Variants in NTRK3 observed in about 807,000 individuals in gnomAD.
NTRK3 encodes the protein NT-3 growth factor receptor.
In NTRK3, 24 loss-of-function variants were observed where a neutral mutation model predicts 91.7. The ratio of observed to expected loss-of-function variants is 0.26; its 90% CI spans 0.19 to 0.37. NTRK3 has a LOEUF of 0.37. NTRK3 is among the 10% of genes least tolerant of loss of function. The pLI is 1.00. For missense variants in NTRK3, 880 were observed against 1,068.9 expected (o/e 0.82, Z 2.46); for synonymous variants, 483 against 404.0 (o/e 1.20, Z -2.34).
intron 13 of NTRK3, among the ~76,000 whole-genome samples, chr15:88,119,972 G>A (rs868119020): frequency 2.6e-5 from 4 of 152,110 alleles, no homozygotes; most frequent in Non-Finnish European, 1.5e-5. Context: ...TGCACACATG[G>A]CTAAGACATA....
chr15:87,962,977 T>G (rs923012513), intron 14 of NTRK3, among the ~76,000 whole-genome samples: 5 of 152,186 alleles, frequency 3.3e-5, no homozygotes, highest in African/African-American at 4.8e-5. Context: ...AACAACATTA[T>G]GTGAATGTTG....
chr15:87,982,028 A>C (rs2141378392), intron 14 of NTRK3, among the ~76,000 whole-genome samples: 1 of 152,296 alleles, frequency 6.6e-6, no homozygotes, highest in East Asian at 1.9e-4. Context: ...TTTGGAGACC[A>C]TGCAGCATTT....
At chr15:87,931,834 G>A (rs1390528030) in intron 16 of NTRK3, among the ~76,000 whole-genome samples, 1 of 152,190 alleles carries the variant, frequency 6.6e-6, no homozygotes, top group East Asian at 1.9e-4. Flanking sequence ...ACTTCAAGAG[G>A]ATGCTTAGCA....
At position 88,083,008 on chromosome 15, in the gene NTRK3, A is replaced by G. The variant is rs145283679; in HGVS notation, c.1396+43263T>C. Among the ~76,000 whole-genome samples, 23 of 152,330 alleles carry G rather than the reference A, an allele frequency of 1.5e-4. 2 individuals carry two copies. The highest frequency in any genetic ancestry group is 5.5e-4 in the African/African-American group (23 of 41,576). ...GGGAAGGATAAAAACTTCAAGGCCA[A>G]CATACTTTGGAATGTCTGGATGACT... On this transcript the variant is annotated intron_variant, in intron 13 of 18. Coordinates refer to ENST00000394480, the Ensembl canonical transcript of NTRK3.
At chr15:88,196,202 C>A (rs990698322) in intron 3 of NTRK3, among the ~76,000 whole-genome samples, 42 of 152,290 alleles carry the variant, frequency 2.8e-4, no homozygotes, top group African/African-American at 1.0e-3. Flanking sequence ...AGGGTAAGTT[C>A]AGGTCACTAG....
At chr15:87,883,771 A>G (rs1055474545) in intron 17 of NTRK3, among the ~76,000 whole-genome samples, 2 of 151,438 alleles carry the variant, frequency 1.3e-5, no homozygotes, top group African/African-American at 4.8e-5. Context: ...ACAAGAAAGA[A>G]TAATTTTTTA....
At chr15:88,059,968 C>A (rs1052962282) in intron 13 of NTRK3, among the ~76,000 whole-genome samples, 6 of 152,124 alleles carry the variant, frequency 3.9e-5, no homozygotes, top group Non-Finnish European at 8.8e-5. Flanking sequence ...TCGAAGAAAC[C>A]AACCCTACCA....
chr15:88,123,848 G>GC (rs1160514725), intron 13 of NTRK3, among the ~76,000 whole-genome samples: 1 of 152,198 alleles, frequency 6.6e-6, no homozygotes, highest in Non-Finnish European at 1.5e-5. Context: ...TGCAGATGAA[G>GC]CCTCCAGGTA....
chr15:87,937,931 G>A (rs1018045165), intron 15 of NTRK3, among the ~76,000 whole-genome samples: 6 of 151,676 alleles, frequency 4.0e-5, no homozygotes, highest in African/African-American at 1.5e-4. Context: ...GAAGACCACT[G>A]AGGTTCACCC....
At chr15:87,874,878 C>A (rs2064908689) in exon 19 of NTRK3, 1 of 231,830 alleles carries the variant, frequency 4.3e-6, no homozygotes, top group African/African-American at 2.2e-5. Context: ...AGCTTTCCTG[C>A]AAAGTCCTCA....
chr15:88,043,509 G>C (rs416484), intron 13 of NTRK3, among the ~76,000 whole-genome samples: 1 of 152,200 alleles, frequency 6.6e-6, no homozygotes, highest in African/African-American at 2.4e-5. Context: ...AGGTCATGCA[G>C]TGCCAGGGGC....
At chr15:87,992,751 G>A (rs2075388386) in intron 14 of NTRK3, among the ~76,000 whole-genome samples, 2 of 152,226 alleles carry the variant, frequency 1.3e-5, no homozygotes, top group Non-Finnish European at 2.9e-5. Flanking sequence ...AAGTTGCCCT[G>A]TTAATGGGAG....
intron 17 of NTRK3, among the ~76,000 whole-genome samples, chr15:87,902,827 A>G (rs2066531855): frequency 6.6e-6 from 1 of 152,170 alleles, no homozygotes; most frequent in Non-Finnish European, 1.5e-5. Context: ...AAAGATTCAG[A>G]GAGATCCCAG....
intron 6 of NTRK3, among the ~76,000 whole-genome samples, chr15:88,145,011 C>T (rs1014029761): frequency 6.6e-6 from 1 of 152,184 alleles, no homozygotes; most frequent in Non-Finnish European, 1.5e-5. Context: ...GGCTCCACAA[C>T]ACACTGAGCC....
chr15:88,113,336 G>GACA (rs1316735939), intron 13 of NTRK3, among the ~76,000 whole-genome samples: 1 of 71,582 alleles, frequency 1.4e-5, no homozygotes, highest in East Asian at 3.6e-4. Context: ...TTTTTTTTGA[G>GACA]ACAGAGTCTC....
intron 3 of NTRK3, among the ~76,000 whole-genome samples, chr15:88,227,868 A>G (rs1274232878): frequency 6.6e-6 from 1 of 150,760 alleles, no homozygotes; most frequent in East Asian, 2.0e-4. Flanking sequence ...TTGCTAGCTC[A>G]CTCCCGTGGG....
At chr15:88,168,965 A>G (rs1157509146) in intron 5 of NTRK3, among the ~76,000 whole-genome samples, 1 of 152,254 alleles carries the variant, frequency 6.6e-6, no homozygotes, top group African/African-American at 2.4e-5. Context: ...AGAGGAATAG[A>G]CATTAACTAA....
At chr15:87,911,576 C>T (rs879525907) in intron 17 of NTRK3, among the ~76,000 whole-genome samples, 2 of 152,208 alleles carry the variant, frequency 1.3e-5, no homozygotes, top group Non-Finnish European at 2.9e-5. Context: ...CAGGTGTCAA[C>T]TATCTCTAGC....
At chr15:87,944,941 C>A (rs1401718362) in intron 14 of NTRK3, among the ~76,000 whole-genome samples, 1 of 152,226 alleles carries the variant, frequency 6.6e-6, no homozygotes, top group East Asian at 1.9e-4. Context: ...TCAGAGCTGC[C>A]TCTGGTGAAG....
Sources: allele counts gnomAD v4.1 joint callset (sites outside exome capture counted in the v4.1 genomes callset), GRCh38; gene constraint gnomAD v4.1.1; transcripts MANE v1.5; gene names NCBI Gene and HGNC (gene_info 2026-07-23, HGNC 2026-07-21).